Variants in SRPK1 observed in about 807,000 individuals in gnomAD.
The protein encoded by SRPK1 is SRSF protein kinase 1.
In SRPK1, 52 loss-of-function variants were observed where a neutral mutation model predicts 89.5. That is an observed-to-expected ratio of 0.58 (90% CI 0.46 to 0.73). SRPK1 has a LOEUF of 0.73. Among genes scored for constraint, SRPK1 ranks in the 30% least tolerant of loss-of-function variants. The pLI, the probability that SRPK1 is intolerant of heterozygous loss-of-function variation, is 0.00. For synonymous variants in SRPK1, 255 were observed against 270.2 expected (o/e 0.94, Z 0.55); for missense variants, 603 against 780.6 (o/e 0.77, Z 2.71).
At position 35,872,703 on chromosome 6, in the gene SRPK1, T is replaced by C. The variant is rs1225307599; in HGVS notation, c.611A>G (p.His204Arg). The change falls in exon 8 of 16, where the codon CAT becomes CGT. Residue 204 changes from histidine to arginine, a missense_variant. Physicochemically the swap from His to Arg is conservative, Grantham distance 29 (BLOSUM62 0). Transcript: ENST00000373825. ...QQVLQGLDYL[H>R]TKCRIIHTDI... ...AGTGTGGATGATACGGCACTTGGTA[T>C]GTAAATAATCAAGACCCTGTAACAC... 1.2e-6 allele frequency: 2 copies of C among 1,608,114 alleles called. No individual in the cohort carries two copies. The highest frequency in any genetic ancestry group is 1.7e-6 in the Non-Finnish European group (2 of 1,177,606).
At chr6:35,887,057 G>A (rs1018699155) in intron 5 of SRPK1, among the ~76,000 whole-genome samples, 1 of 152,196 alleles carries the variant, frequency 6.6e-6, no homozygotes, top group African/African-American at 2.4e-5. Flanking sequence ...ATCAATCAAA[G>A]TGTGGCCTCC....
intron 6 of SRPK1, among the ~76,000 whole-genome samples, chr6:35,883,734 G>GT (rs1406565101): frequency 6.6e-6 from 1 of 151,336 alleles, no homozygotes; most frequent in African/African-American, 2.4e-5. Flanking sequence ...AAATCACAAG[G>GT]TTATTTTTTT....
chr6:35,900,487 T>C (rs190562290), intron 2 of SRPK1, among the ~76,000 whole-genome samples: 2 of 152,206 alleles, frequency 1.3e-5, no homozygotes, highest in Admixed American at 6.5e-5. Context: ...CTGCCTTCAC[T>C]GTGTTTACAT....
rs1242599951 is a variant in SRPK1, at chr6:35,867,556, CT to C, written c.1512+1453del. The stretch of plus-strand genomic sequence containing the variant: ...CTTGGTCAGGTATGGTGGCTCATGC[CT>C]GTAGTCCCAACACTTTGGGAGGCCG... On this transcript the variant is annotated intron_variant, in intron 12 of 15. Coordinates refer to ENST00000373825, the MANE Select transcript of SRPK1 (RefSeq NM_003137.5). Among the ~76,000 whole-genome samples the C allele has an allele frequency of 9.2e-5, 14 of 152,268 alleles. No individual in the cohort carries two copies. In the South Asian group the frequency reaches 2.1e-3, roughly 23 times the overall value.
chr6:35,875,919 T>C (rs1160730827), intron 6 of SRPK1, among the ~76,000 whole-genome samples: 1 of 152,092 alleles, frequency 6.6e-6, no homozygotes, highest in African/African-American at 2.4e-5. Context: ...ATTCACACCA[T>C]GTGCCTTCTA....
intron 12 of SRPK1, among the ~76,000 whole-genome samples, chr6:35,859,358 C>G (rs1249544632): frequency 1.3e-5 from 2 of 151,964 alleles, no homozygotes; most frequent in Non-Finnish European, 2.9e-5. Context: ...TAACTGTCTC[C>G]CCCACTGTGT....
chr6:35,849,872 C>T (rs1219606191), intron 13 of SRPK1, among the ~76,000 whole-genome samples: 1 of 152,082 alleles, frequency 6.6e-6, no homozygotes. Context: ...GAATACTATT[C>T]AGCCTTAAAA....
At chr6:35,853,069 G>A (rs1769589110) in intron 13 of SRPK1, among the ~76,000 whole-genome samples, 1 of 152,098 alleles carries the variant, frequency 6.6e-6, no homozygotes, top group Non-Finnish European at 1.5e-5. Context: ...GCAAGACCTG[G>A]TCTCTACAAA....
In SRPK1 at chr6:35,921,083, T is replaced by A. The variant is rs2127274902; in HGVS notation, c.-27A>T. The A allele has an allele frequency of 6.7e-7, 1 of 1,495,856 alleles. No homozygotes were observed. Among genetic ancestry groups the A allele is most frequent in the African/African-American group, 1.4e-5 (1 of 69,026 alleles). The allele number at this position is 1,495,856 out of a possible 1,614,324, so 92.7% of individuals were successfully genotyped here. ...GTGAGACCGGTAATCGCCAGGCGCC[T>A]GCGCACTCGAGTGGCGGCGACTCCC... On this transcript the variant is annotated 5_prime_UTR_variant, in exon 1 of 16. Coordinates refer to ENST00000373825, the MANE Select transcript of SRPK1 (RefSeq NM_003137.5).
At chr6:35,847,834 A>T (rs532429338) in intron 13 of SRPK1, among the ~76,000 whole-genome samples, 22 of 148,148 alleles carry the variant, frequency 1.5e-4, no homozygotes, top group East Asian at 5.9e-4. Flanking sequence ...TTTTTATTTT[A>T]TTTTTTTTTT....
Position 35,917,032 on chromosome 6 carries a change from C to G in SRPK1, c.74+3436G>C, listed in dbSNP as rs866738564. ...CTGAGAATGCGCCACTGCACTCCAG[C>G]CCGGGTGACAGAGTGAGACTCTGTC... On this transcript the variant is annotated intron_variant, in intron 2 of 15. Transcript: ENST00000373825. Among the ~76,000 whole-genome samples the G allele has an allele frequency of 2.9e-4, 44 of 151,934 alleles. 1 individual carries two copies. The highest frequency in any genetic ancestry group is 3.9e-4 in the Admixed American group (6 of 15,262).
At position 35,833,505 on chromosome 6, in the gene SRPK1, G is replaced by C. The variant is rs1345836600; in HGVS notation, c.*1799C>G. 6.6e-6 allele frequency: 1 copy of C among 152,598 alleles called. No homozygotes were observed. 9.5% of individuals were successfully genotyped at this position (152,598 alleles called of 1,614,324 possible). On this transcript the variant is annotated 3_prime_UTR_variant, in exon 16 of 16. Transcript: ENST00000373825. ...ATGTAAAAACAGCTGAAAACCCAAA[G>C]TGGATTAGAATTGCTGAAGGATTTC...
intron 13 of SRPK1, among the ~76,000 whole-genome samples, chr6:35,846,834 C>G (rs1769436341): frequency 6.6e-6 from 1 of 152,138 alleles, no homozygotes; most frequent in Admixed American, 6.5e-5. Context: ...TTCTACCAAA[C>G]ATATAACGAA....
intron 2 of SRPK1, among the ~76,000 whole-genome samples, chr6:35,904,441 A>C (rs1339153631): frequency 6.6e-6 from 1 of 152,224 alleles, no homozygotes; most frequent in Non-Finnish European, 1.5e-5. Flanking sequence ...ACTCTGAGGC[A>C]GAGATTACAT....
At chr6:35,889,390 G>T (rs957988973) in intron 3 of SRPK1, among the ~76,000 whole-genome samples, 3 of 152,138 alleles carry the variant, frequency 2.0e-5, no homozygotes, top group African/African-American at 7.2e-5. Context: ...GCTCATGCCT[G>T]TAATCCCAGC....
chr6:35,852,785 A>G (rs1240313029), intron 13 of SRPK1, among the ~76,000 whole-genome samples: 2 of 152,144 alleles, frequency 1.3e-5, no homozygotes, highest in Non-Finnish European at 2.9e-5. Flanking sequence ...TTATGGATAA[A>G]CCCCTTTGGA....
chr6:35,846,199 A>G (rs1334809814), intron 13 of SRPK1, among the ~76,000 whole-genome samples: 2 of 151,650 alleles, frequency 1.3e-5, no homozygotes, highest in East Asian at 3.9e-4. Context: ...CCAAGACGGG[A>G]GGATTGCTTG....
intron 2 of SRPK1, among the ~76,000 whole-genome samples, chr6:35,906,179 G>A (rs1369739963): frequency 2.6e-5 from 4 of 152,036 alleles, no homozygotes; most frequent in African/African-American, 7.2e-5. Flanking sequence ...TTAGCCAACA[G>A]TGGACAAGCA....
In SRPK1 at chr6:35,872,549, A is replaced by T; in HGVS notation, c.751+14T>A. 1 of 1,583,550 alleles carries T rather than the reference A, an allele frequency of 6.3e-7. No individual in the cohort carries two copies. The highest frequency in any genetic ancestry group is 8.6e-7 in the Non-Finnish European group (1 of 1,169,374). ...AACTTCTAATGATAGCGAAGTCCCT[A>T]AAAGAAAATACACCTGCAGATCCGG... On this transcript the variant is annotated intron_variant, in intron 8 of 15. Coordinates refer to ENST00000373825, the MANE Select transcript of SRPK1 (RefSeq NM_003137.5).
Sources: allele counts gnomAD v4.1 joint callset (sites outside exome capture counted in the v4.1 genomes callset), GRCh38; gene constraint gnomAD v4.1.1; transcripts MANE v1.5; gene names NCBI Gene and HGNC (gene_info 2026-07-23, HGNC 2026-07-21).